The following NXPE4 variants were observed in gnomAD, a reference collection of about 807,000 sequenced individuals.
NXPE4 encodes neurexophilin and PC-esterase domain family member 4.
Under a neutral mutation model 33.3 loss-of-function variants are expected in NXPE4, and 42 were observed. The observed-to-expected ratio is 1.26, with a 90% CI of 0.98 to 1.63. The LOEUF is 1.63. NXPE4 is among the 40% of genes most tolerant of loss of function. The pLI is 0.00. For synonymous variants in NXPE4, 253 were observed against 234.9 expected, an observed-to-expected ratio of 1.08 and a Z score of -0.71; for missense variants, 709 against 647.6, an observed-to-expected ratio of 1.09 and a Z score of -1.03.
At chr11:114,626,788 G>T in the NXPE4 span, among the ~76,000 whole-genome samples, 5 of 152,104 alleles carry the variant, frequency 3.3e-5, no homozygotes, top group Non-Finnish European at 5.9e-5. Flanking sequence ...TTAGAATAAT[G>T]TATAACTAGA....
chr11:114,645,661 C>A, the NXPE4 span, among the ~76,000 whole-genome samples: 1 of 151,882 alleles, frequency 6.6e-6, no homozygotes, highest in African/African-American at 2.4e-5. Flanking sequence ...CAAAGAACTC[C>A]TCCAAAGTAA....
chr11:114,662,516 C>A, the NXPE4 span, among the ~76,000 whole-genome samples: 5 of 152,144 alleles, frequency 3.3e-5, no homozygotes, highest in South Asian at 1.0e-3. Context: ...TGAACTTGGC[C>A]CAGAGTCAGT....
chr11:114,657,455 G>C, the NXPE4 span, among the ~76,000 whole-genome samples: 1 of 152,038 alleles, frequency 6.6e-6, no homozygotes. Context: ...TTTTAACAAT[G>C]GAAATCACAG....
chr11:114,597,953 A>G (rs1032462474), upstream of NXPE4, among the ~76,000 whole-genome samples: 2 of 152,200 alleles, frequency 1.3e-5, no homozygotes, highest in Admixed American at 6.5e-5. Context: ...GAATTTCAGC[A>G]TTAACTCAAA....
At chr11:114,584,623 T>C in intron 2 of NXPE4, 1 of 157,200 alleles carries the variant, frequency 6.4e-6, no homozygotes, top group Non-Finnish European at 1.4e-5. Context: ...TGAAGAAATG[T>C]CACAGAAGAG....
chr11:114,622,332 T>A, the NXPE4 span, among the ~76,000 whole-genome samples: 1 of 151,998 alleles, frequency 6.6e-6, no homozygotes, highest in Non-Finnish European at 1.5e-5. Context: ...TGTTACCCAA[T>A]GCATCATAAG....
the NXPE4 span, among the ~76,000 whole-genome samples, chr11:114,648,373 CAGTGTGA>C: frequency 6.6e-6 from 1 of 152,256 alleles, no homozygotes; most frequent in African/African-American, 2.4e-5. Flanking sequence ...ACCCATATCT[CAGTGTGA>C]AGGCATTCAG....
chr11:114,615,323 C>T, the NXPE4 span, among the ~76,000 whole-genome samples: 2 of 151,932 alleles, frequency 1.3e-5, no homozygotes, highest in Non-Finnish European at 2.9e-5. Flanking sequence ...TGGGTAACCA[C>T]CATTACCCGC....
At chr11:114,636,145 G>A in the NXPE4 span, among the ~76,000 whole-genome samples, 1 of 151,854 alleles carries the variant, frequency 6.6e-6, no homozygotes, top group African/African-American at 2.4e-5. Flanking sequence ...TTCAGAGCCT[G>A]TTATTGGTCT....
chr11:114,628,210 A>G, the NXPE4 span, among the ~76,000 whole-genome samples: 473 of 144,458 alleles, frequency 3.3e-3, 2 homozygotes, highest in African/African-American at 0.012. Context: ...AAATCAACAG[A>G]ATATACATTT....
rs1453579502 is a variant in NXPE4, at chr11:114,575,361, GA to G, written c.1100-3889del. On this transcript the variant is annotated intron_variant, in intron 5 of 5. Transcript: ENST00000375478. ...AGCTAAAGCAATCAGACAAAAGGAAGAAATAAAGGACATCCGAATTGGTAAA... is the reference window on the plus strand; with the variant it reads ...AGCTAAAGCAATCAGACAAAAGGAAGAATAAAGGACATCCGAATTGGTAAA... 3.3e-5 allele frequency among the ~76,000 whole-genome samples: 5 copies of G among 152,128 alleles called. No individual in the cohort carries two copies. The East Asian group carries it at 9.7e-4, about 29-fold the overall frequency.
chr11:114,610,866 C>A, the NXPE4 span, among the ~76,000 whole-genome samples: 1 of 151,738 alleles, frequency 6.6e-6, no homozygotes, highest in Non-Finnish European at 1.5e-5. Context: ...CACTGTTCCC[C>A]GGGGGAAAAT....
At chr11:114,599,407 C>A (rs943597638), upstream of NXPE4, among the ~76,000 whole-genome samples, 2 of 152,136 alleles carry the variant, frequency 1.3e-5, no homozygotes, top group African/African-American at 2.4e-5. Context: ...TTCTTCTGGG[C>A]CCTCCACCCT....
the NXPE4 span, among the ~76,000 whole-genome samples, chr11:114,677,830 A>C: frequency 6.6e-6 from 1 of 152,120 alleles, no homozygotes; most frequent in Non-Finnish European, 1.5e-5. Flanking sequence ...AGAGCAATGC[A>C]TACTGAGTGT....
chr11:114,592,363 A>G (rs1016073620), intron 2 of NXPE4, among the ~76,000 whole-genome samples: 1 of 152,158 alleles, frequency 6.6e-6, no homozygotes, highest in Non-Finnish European at 1.5e-5. Context: ...CATCAGTAAC[A>G]TTTCTATACA....
At chr11:114,597,539 T>C (rs1308582851), upstream of NXPE4, among the ~76,000 whole-genome samples, 2 of 152,214 alleles carry the variant, frequency 1.3e-5, no homozygotes, top group Admixed American at 6.5e-5. Context: ...CATGGGTTCA[T>C]GCACACAGAT....
At chr11:114,626,811 C>A in the NXPE4 span, among the ~76,000 whole-genome samples, 1 of 152,006 alleles carries the variant, frequency 6.6e-6, no homozygotes, top group Non-Finnish European at 1.5e-5. Context: ...AACCAATACA[C>A]AGAAGTGCTT....
intron 2 of NXPE4, among the ~76,000 whole-genome samples, chr11:114,592,136 C>A (rs1018286002): frequency 1.3e-5 from 2 of 151,994 alleles, no homozygotes; most frequent in Non-Finnish European, 2.9e-5. Context: ...ACACTTTTTC[C>A]AGTTTTATTC....
the NXPE4 span, among the ~76,000 whole-genome samples, chr11:114,654,967 G>GC: frequency 6.6e-6 from 1 of 152,114 alleles, no homozygotes; most frequent in African/African-American, 2.4e-5. Flanking sequence ...TTTCTCTACA[G>GC]CCTTGCCAGC....
Sources: gnomAD v4.1 joint callset for allele counts (sites outside exome capture counted in the v4.1 genomes callset) on GRCh38, gnomAD v4.1.1 for gene constraint, MANE v1.5 for transcripts, NCBI Gene and HGNC (gene_info 2026-07-23, HGNC 2026-07-21) for gene names.